KLF8: variants seen among roughly 807,000 people sequenced by gnomAD.
KLF8 encodes Krueppel-like factor 8.
A neutral mutation model predicts 18.2 loss-of-function variants in KLF8; 10 were observed. The ratio of observed to expected loss-of-function variants is 0.55; its 90% CI spans 0.34 to 0.93. The LOEUF (loss-of-function observed/expected upper bound fraction) is 0.93, where lower values mean the gene tolerates loss of function less well. Among genes scored for constraint, KLF8 ranks in the 40% least tolerant of loss-of-function variants. The pLI is 0.02. For missense variants in KLF8, 264 were observed against 277.9 expected (o/e 0.95, Z 0.36); for synonymous variants, 109 against 97.3 (o/e 1.12, Z -0.71).
chrX:55,991,366 A>G, the KLF8 span, among the ~76,000 whole-genome samples: 2 of 111,964 alleles, frequency 1.8e-5, no homozygotes, highest in Non-Finnish European at 3.8e-5. Context: ...GTGCAGTATT[A>G]GGGTGGGAGT....
the KLF8 span, among the ~76,000 whole-genome samples, chrX:56,185,687 T>C: frequency 1.5e-4 from 17 of 111,919 alleles, no homozygotes; most frequent in Admixed American, 1.4e-3. Flanking sequence ...CGGCAGAAAC[T>C]CTACAAGCCA....
At chrX:55,942,279 A>G in the KLF8 span, among the ~76,000 whole-genome samples, 1 of 109,965 alleles carries the variant, frequency 9.1e-6, no homozygotes, top group Non-Finnish European at 1.9e-5. Context: ...AAAAAACCAA[A>G]CACCGCATTT....
chrX:56,159,360 T>C, the KLF8 span, among the ~76,000 whole-genome samples: 1 of 111,834 alleles, frequency 8.9e-6, no homozygotes, highest in African/African-American at 3.3e-5. Flanking sequence ...TTTTTTGTTG[T>C]GTCTCTGCCA....
At chrX:56,044,141 A>G in the KLF8 span, among the ~76,000 whole-genome samples, 920 of 111,771 alleles carry the variant, frequency 8.2e-3, 12 homozygotes, top group African/African-American at 0.029. Flanking sequence ...TCACCAGTGA[A>G]GACTGTGAAA....
At chrX:56,167,677 A>G in the KLF8 span, among the ~76,000 whole-genome samples, 1 of 111,743 alleles carries the variant, frequency 8.9e-6, no homozygotes, top group Non-Finnish European at 1.9e-5. Context: ...GTTGATGACA[A>G]TGATTGAGCC....
chrX:56,252,842 A>C (rs1009579687), intron 2 of KLF8, among the ~76,000 whole-genome samples: 1 of 112,148 alleles, frequency 8.9e-6, no homozygotes, highest in African/African-American at 3.2e-5. Flanking sequence ...TCCCACCAAC[A>C]GTGCACAAGT....
the KLF8 span, among the ~76,000 whole-genome samples, chrX:56,183,700 A>G: frequency 8.9e-6 from 1 of 111,939 alleles, no homozygotes; most frequent in African/African-American, 3.2e-5. Context: ...AGAGAAAACT[A>G]CCTTCACTAT....
the KLF8 span, among the ~76,000 whole-genome samples, chrX:56,104,617 T>C: frequency 5.4e-5 from 6 of 111,955 alleles, no homozygotes; most frequent in Non-Finnish European, 9.4e-5. Context: ...TATTCTTTTT[T>C]AGTCTTGCTA....
the KLF8 span, among the ~76,000 whole-genome samples, chrX:56,048,953 G>T: frequency 9.0e-6 from 1 of 111,500 alleles, no homozygotes; most frequent in Non-Finnish European, 1.9e-5. Context: ...TTGAACAGTG[G>T]CTTGTAGTTC....
chrX:55,939,589 T>C, the KLF8 span, among the ~76,000 whole-genome samples: 2 of 109,923 alleles, frequency 1.8e-5, no homozygotes, highest in South Asian at 7.8e-4. Context: ...ATCCAGGAGG[T>C]GGTTTTTTGG....
chrX:55,938,820 C>G, the KLF8 span, among the ~76,000 whole-genome samples: 8 of 111,333 alleles, frequency 7.2e-5, no homozygotes, highest in African/African-American at 9.8e-5. Flanking sequence ...AAGAAGAAGA[C>G]CTAACTATCC....
At chrX:56,011,798 C>T in the KLF8 span, among the ~76,000 whole-genome samples, 5 of 111,812 alleles carry the variant, frequency 4.5e-5, no homozygotes, top group African/African-American at 6.5e-5. Context: ...CACAGAAATA[C>T]AAACGACCAT....
At chrX:56,045,423 A>C in the KLF8 span, among the ~76,000 whole-genome samples, 2 of 111,059 alleles carry the variant, frequency 1.8e-5, no homozygotes, top group African/African-American at 6.6e-5. Context: ...TATTTTTTCT[A>C]GTTCTGTAAA....
the KLF8 span, among the ~76,000 whole-genome samples, chrX:55,995,137 C>G: frequency 6.3e-5 from 7 of 111,866 alleles, no homozygotes; most frequent in African/African-American, 2.3e-4. Flanking sequence ...TGAATGGAAC[C>G]CTTTACCTTT....
the KLF8 span, among the ~76,000 whole-genome samples, chrX:56,156,292 C>T: frequency 1.8e-5 from 2 of 111,333 alleles, no homozygotes; most frequent in Admixed American, 9.6e-5. Flanking sequence ...CATAGGTAAA[C>T]TTGTGTCATG....
chrX:56,247,773 A>T (rs1326280395), intron 1 of KLF8, among the ~76,000 whole-genome samples: 1 of 110,961 alleles, frequency 9.0e-6, no homozygotes, highest in African/African-American at 3.3e-5. Context: ...TATGACAACA[A>T]TACCTTCTTC....
At chrX:55,940,245 T>A in the KLF8 span, among the ~76,000 whole-genome samples, 2 of 111,953 alleles carry the variant, frequency 1.8e-5, no homozygotes, top group African/African-American at 6.5e-5. Flanking sequence ...ATAAACGTAA[T>A]CCAGCATATA....
In KLF8 at chrX:56,265,474, A is replaced by G. The variant is rs771483872; in HGVS notation, c.376A>G (p.Thr126Ala). 8.3e-7 allele frequency: 1 copy of G among 1,211,923 alleles called. No individual in the cohort carries two copies. Among genetic ancestry groups the G allele is most frequent in the Non-Finnish European group, 1.1e-6 (1 of 895,478 alleles). ...SPQTLVVSTS[T>A]SDMSTSANIP... ...CCAGACCCTTGTGGTGTCCACGTCA[A>G]CATCTGACATGAGCACTTCAGCAAA... Residue 126 changes from threonine to alanine, a missense_variant, in exon 3 of 6, where the codon ACA becomes GCA. Thr to Ala is a moderately conservative substitution (Grantham distance 58). Transcript: ENST00000468660.
chrX:56,145,896 G>T, the KLF8 span, among the ~76,000 whole-genome samples: 52 of 111,349 alleles, frequency 4.7e-4, no homozygotes, highest in Admixed American at 4.9e-3. Context: ...CAAAAAGTGG[G>T]TAAAGGATAT....
Sources: allele counts gnomAD v4.1 joint callset (sites outside exome capture counted in the v4.1 genomes callset), GRCh38; gene constraint gnomAD v4.1.1; transcripts MANE v1.5; gene names NCBI Gene and HGNC (gene_info 2026-07-23, HGNC 2026-07-21).